Variants in GDPD5 observed in about 807,000 individuals in gnomAD.
GDPD5 encodes glycerophosphodiester phosphodiesterase domain containing 5, also known as glycerophosphodiester phosphodiesterase 2.
GDPD5 carries 48 observed loss-of-function variants against 75.1 expected under a neutral mutation model. That is an observed-to-expected ratio of 0.64 (90% CI 0.51 to 0.81). GDPD5 has a LOEUF of 0.81. Ranked by LOEUF, GDPD5 falls within the 40% of genes least tolerant of loss-of-function variation. The pLI is 0.00. For missense variants in GDPD5, 706 were observed against 822.6 expected, an observed-to-expected ratio of 0.86 and a Z score of 1.73; for synonymous variants, 336 against 339.0, an observed-to-expected ratio of 0.99 and a Z score of 0.10.
chr11:75,457,681 A>T lies in GDPD5; in HGVS notation c.315+12T>A, dbSNP rs1388428318. On this transcript the variant is annotated intron_variant, in intron 5 of 16. Coordinates refer to ENST00000336898, the MANE Select transcript of GDPD5 (RefSeq NM_030792.8). ...AGCAGGGCCACCTGCCCTCCAAAAC[A>T]GCCCCATGTACCAGGAGGCCAGCGA... 6.2e-7 allele frequency: 1 copy of T among 1,612,994 alleles called. No individual in the cohort carries two copies.
intron 1 of GDPD5, among the ~76,000 whole-genome samples, chr11:75,500,491 C>T (rs1181209723): frequency 6.6e-6 from 1 of 152,182 alleles, no homozygotes; most frequent in Non-Finnish European, 1.5e-5. Flanking sequence ...TCACCAGCCC[C>T]TTCGCTGGAT....
chr11:75,496,779 C>CTTTCTTTTTTTTTTTTTTTTT (rs58663409), intron 1 of GDPD5, among the ~76,000 whole-genome samples: 9 of 103,112 alleles, frequency 8.7e-5, no homozygotes, highest in Admixed American at 1.3e-4. Flanking sequence ...TTCTTTCTTT[C>CTTTCTTTTTTTTTTTTTTTTT]TTTTTTTTTT....
chr11:75,465,106 C>A (rs912437274), intron 3 of GDPD5, among the ~76,000 whole-genome samples: 2 of 152,212 alleles, frequency 1.3e-5, no homozygotes. Flanking sequence ...AAGGGTGAAC[C>A]ATGTCTTTAG....
rs543713115 is a variant in GDPD5 at position 75,495,128 on chromosome 11, G to A, written c.-144-4808C>T. Among the ~76,000 whole-genome samples the A allele has an allele frequency of 6.7e-4, 102 of 152,058 alleles. 1 individual carries two copies. Among genetic ancestry groups the A allele is most frequent in the African/African-American group, 5.1e-4 (21 of 41,468 alleles). On this transcript the variant is annotated intron_variant, in intron 1 of 16. Transcript: ENST00000336898. ...TAAAAATACAAAAAATTAGCCGGGT[G>A]TGATGGCACGTGCCTGTAGTCTCAG...
intron 1 of GDPD5, among the ~76,000 whole-genome samples, chr11:75,506,104 G>A (rs1950392011): frequency 6.6e-6 from 1 of 152,196 alleles, no homozygotes; most frequent in Non-Finnish European, 1.5e-5. Context: ...GGTCAGATAT[G>A]GCAAGAGCAC....
chr11:75,498,097 G>A (rs1950243643), intron 1 of GDPD5, among the ~76,000 whole-genome samples: 1 of 150,882 alleles, frequency 6.6e-6, no homozygotes. Flanking sequence ...GGGGCTGGTG[G>A]AGGGGGGGCT....
intron 2 of GDPD5, among the ~76,000 whole-genome samples, chr11:75,478,487 G>A (rs192602898): frequency 1.9e-4 from 29 of 152,318 alleles, no homozygotes; most frequent in African/African-American, 6.7e-4. Flanking sequence ...ATCACCTTCT[G>A]TAAAACTGTA....
At chr11:75,520,774 G>C (rs1950738724) in intron 1 of GDPD5, among the ~76,000 whole-genome samples, 1 of 152,254 alleles carries the variant, frequency 6.6e-6, no homozygotes, top group Admixed American at 6.5e-5. Flanking sequence ...CCACCCCAAA[G>C]GGGGCAAAGG....
At chr11:75,447,974 G>A (rs758249317) in intron 9 of GDPD5, among the ~76,000 whole-genome samples, 18 of 152,226 alleles carry the variant, frequency 1.2e-4, no homozygotes, top group Non-Finnish European at 2.5e-4. Flanking sequence ...TCAGGGGCTG[G>A]AGTCTTATCG....
At chr11:75,468,049 C>T (rs964555878) in intron 3 of GDPD5, among the ~76,000 whole-genome samples, 2 of 152,196 alleles carry the variant, frequency 1.3e-5, no homozygotes, top group Non-Finnish European at 2.9e-5. Flanking sequence ...CCCAGCCCCA[C>T]ACAGGAAGCA....
chr11:75,437,677 C>G, intron 15 of GDPD5: 1 of 152,668 alleles, frequency 6.6e-6, no homozygotes, highest in Non-Finnish European at 1.5e-5. Context: ...ATGAATCCCT[C>G]TGATGGCTGA....
chr11:75,444,526 C>T (rs1565183882), intron 9 of GDPD5, 31 bp from the exon 10 acceptor site: 2 of 1,520,284 alleles, frequency 1.3e-6, no homozygotes, highest in Non-Finnish European at 1.8e-6. Context: ...AAGGGAGAGC[C>T]AAGATTCAGC....
intron 15 of GDPD5, chr11:75,438,746 A>G (rs933760010): frequency 6.5e-6 from 1 of 154,122 alleles, no homozygotes; most frequent in African/African-American, 2.4e-5. Flanking sequence ...GCATATCCAG[A>G]ACAGGAAGCT....
At chr11:75,439,230 G>A (rs1948718125) in intron 15 of GDPD5, 3 of 422,856 alleles carry the variant, frequency 7.1e-6, no homozygotes, top group South Asian at 5.1e-5. Flanking sequence ...TCTGCGAGGT[G>A]GCCCGGGCAC....
chr11:75,477,528 T>A (rs1949803855), intron 3 of GDPD5, 91 bp downstream of exon 3: 2 of 719,788 alleles, frequency 2.8e-6, no homozygotes, highest in South Asian at 2.7e-5. Context: ...CCAGAGCGAG[T>A]CAGCAGAGAC....
At chr11:75,507,619 T>C (rs541994790) in intron 1 of GDPD5, among the ~76,000 whole-genome samples, 1 of 152,322 alleles carries the variant, frequency 6.6e-6, no homozygotes, top group South Asian at 2.1e-4. Context: ...AACACAGTGG[T>C]TGCCCCACGA....
rs139147150 is a variant in GDPD5 at position 75,441,451 on chromosome 11, C to T, written c.1326-141G>A. On this transcript the variant is annotated intron_variant, in intron 13 of 16. Coordinates refer to ENST00000336898, the MANE Select transcript of GDPD5 (RefSeq NM_030792.8). ...ACATTGGCTCCAGAGGGCCAAGCTC[C>T]GGGACAAGCCCGGGTCTGCCCGACA... The T allele has an allele frequency of 1.6e-4, 193 of 1,243,904 alleles. No homozygotes were observed. The African/African-American group carries it at 2.0e-3, about 13-fold the overall frequency. The allele number at this position is 1,243,904 out of a possible 1,614,324, so 77.1% of individuals were successfully genotyped here.
At chr11:75,474,955 CCAG>C (rs1489091671) in intron 3 of GDPD5, among the ~76,000 whole-genome samples, 1 of 152,222 alleles carries the variant, frequency 6.6e-6, no homozygotes. Context: ...TCCCTAGTCT[CCAG>C]CAGTTTAGGC....
chr11:75,477,573 G>T, intron 3 of GDPD5, 46 bp downstream of exon 3: 1 of 1,295,776 alleles, frequency 7.7e-7, no homozygotes, highest in Non-Finnish European at 1.1e-6. Flanking sequence ...CCTCAGGCTT[G>T]CTGGGGCTCA....
Sources: gnomAD v4.1 joint callset for allele counts (sites outside exome capture counted in the v4.1 genomes callset) on GRCh38, gnomAD v4.1.1 for gene constraint, MANE v1.5 for transcripts, NCBI Gene and HGNC (gene_info 2026-07-23, HGNC 2026-07-21) for gene names.